The following EPHA6 variants were observed in gnomAD, a reference collection of about 807,000 sequenced individuals.
EPHA6 encodes ephrin type-A receptor 6.
EPHA6 carries 50 observed loss-of-function variants against 112.0 expected under a neutral mutation model. That is an observed-to-expected ratio of 0.45 (90% CI 0.36 to 0.56). The LOEUF (loss-of-function observed/expected upper bound fraction) is 0.56. Ranked by LOEUF, EPHA6 falls within the 20% of genes least tolerant of loss-of-function variation. The pLI is 0.00. For missense variants in EPHA6, 1,280 were observed against 1,417.4 expected, an observed-to-expected ratio of 0.90 and a Z score of 1.56; for synonymous variants, 529 against 490.7, an observed-to-expected ratio of 1.08 and a Z score of -1.03.
At chr3:97,724,301 G>A (rs1418680685) in intron 15 of EPHA6, among the ~76,000 whole-genome samples, 1 of 152,132 alleles carries the variant, frequency 6.6e-6, no homozygotes, top group African/African-American at 2.4e-5. Context: ...CCAAAGGTCA[G>A]TGGTATTATA....
At chr3:97,706,944 C>G (rs1428470343) in intron 14 of EPHA6, among the ~76,000 whole-genome samples, 1 of 152,116 alleles carries the variant, frequency 6.6e-6, no homozygotes, top group South Asian at 2.1e-4. Flanking sequence ...CCTTGTGACT[C>G]TAGCACCTGG....
Position 97,031,123 on chromosome 3 carries a change from G to A in EPHA6, c.1114+43130G>A, listed in dbSNP as rs569948008. ...ATATAGGCCAATGGAATAGAACAGA[G>A]CCCTGAGAAATAATGCTGCATATCT... is the stretch of plus-strand genomic sequence containing the variant. On this transcript the variant is annotated intron_variant, in intron 3 of 17. Coordinates refer to ENST00000389672, the MANE Select transcript of EPHA6 (RefSeq NM_001080448.3). 4.0e-4 allele frequency among the ~76,000 whole-genome samples: 61 copies of A among 152,108 alleles called. 1 individual carries two copies. The highest frequency in any genetic ancestry group is 1.7e-3 in the South Asian group (8 of 4,828).
At chr3:97,559,460 A>G in intron 11 of EPHA6, 1 of 318,340 alleles carries the variant, frequency 3.1e-6, no homozygotes, top group Non-Finnish European at 6.2e-6. Flanking sequence ...CCACTCTTCT[A>G]GAAACAAAGA....
intron 3 of EPHA6, among the ~76,000 whole-genome samples, chr3:97,211,433 G>A (rs147824749): frequency 5.4e-4 from 82 of 152,266 alleles, no homozygotes; most frequent in African/African-American, 1.9e-3. Flanking sequence ...CATAGACTGT[G>A]TGGCTTAAAC....
intron 3 of EPHA6, among the ~76,000 whole-genome samples, chr3:97,203,326 A>G (rs2077628577): frequency 6.6e-6 from 1 of 152,160 alleles, no homozygotes; most frequent in Admixed American, 6.6e-5. Context: ...ATAAAGGGAC[A>G]GATTTAACAT....
intron 1 of EPHA6, among the ~76,000 whole-genome samples, chr3:96,844,027 G>A (rs927828979): frequency 6.6e-6 from 1 of 151,924 alleles, no homozygotes; most frequent in East Asian, 1.9e-4. Context: ...CCCATTTTGA[G>A]TCCCTTGTCT....
chr3:96,994,724 T>G (rs1329220855), intron 3 of EPHA6, among the ~76,000 whole-genome samples: 11 of 78,758 alleles, frequency 1.4e-4, no homozygotes, highest in Admixed American at 2.8e-4. Flanking sequence ...TATATATATA[T>G]ATATATATAG....
chr3:97,472,191 T>C (rs1463973019), intron 7 of EPHA6, among the ~76,000 whole-genome samples: 1 of 151,682 alleles, frequency 6.6e-6, no homozygotes, highest in African/African-American at 2.4e-5. Context: ...CCACTATGGA[T>C]ATCATAGTGA....
intron 3 of EPHA6, among the ~76,000 whole-genome samples, chr3:97,172,656 G>T (rs1249643676): frequency 1.3e-5 from 2 of 151,866 alleles, no homozygotes; most frequent in African/African-American, 4.8e-5. Flanking sequence ...CCATGAATAT[G>T]TATCTGTAGG....
intron 2 of EPHA6, among the ~76,000 whole-genome samples, chr3:96,927,030 G>A (rs1244999732): frequency 1.3e-5 from 2 of 152,186 alleles, no homozygotes; most frequent in African/African-American, 4.8e-5. Flanking sequence ...ACTTTATACT[G>A]GACATCTGAG....
At chr3:97,647,864 C>G (rs1576196272) in intron 14 of EPHA6, among the ~76,000 whole-genome samples, 1 of 152,120 alleles carries the variant, frequency 6.6e-6, no homozygotes, top group East Asian at 1.9e-4. Flanking sequence ...AAATGCTAAG[C>G]CTCTTGGCTC....
intron 5 of EPHA6, among the ~76,000 whole-genome samples, chr3:97,385,338 A>T (rs2109035947): frequency 6.6e-6 from 1 of 152,290 alleles, no homozygotes; most frequent in East Asian, 1.9e-4. Flanking sequence ...CTTCTTCAGA[A>T]ATTCTAACAT....
chr3:97,638,146 G>A, intron 14 of EPHA6, 64 bp downstream of exon 14: 1 of 1,204,768 alleles, frequency 8.3e-7, no homozygotes, highest in Non-Finnish European at 1.2e-6. Context: ...TGTCATTAGA[G>A]TAATTCTGTT....
intron 2 of EPHA6, among the ~76,000 whole-genome samples, chr3:96,966,741 T>C (rs1387017489): frequency 6.6e-6 from 1 of 152,056 alleles, no homozygotes; most frequent in Admixed American, 6.6e-5. Flanking sequence ...AATGACATAT[T>C]TTTATGCTCA....
intron 2 of EPHA6, among the ~76,000 whole-genome samples, chr3:96,893,325 A>T (rs2038084446): frequency 6.6e-6 from 1 of 152,118 alleles, no homozygotes; most frequent in African/African-American, 2.4e-5. Context: ...ACAGTGTATC[A>T]TGTTATGTGG....
chr3:97,546,347 A>G (rs1352942180), intron 11 of EPHA6, among the ~76,000 whole-genome samples: 1 of 152,204 alleles, frequency 6.6e-6, no homozygotes, highest in Non-Finnish European at 1.5e-5. Flanking sequence ...TGGATATGAA[A>G]TTCTGGGTTG....
At chr3:97,686,347 T>C (rs1233911351) in intron 14 of EPHA6, among the ~76,000 whole-genome samples, 1 of 152,132 alleles carries the variant, frequency 6.6e-6, no homozygotes, top group Admixed American at 6.6e-5. Flanking sequence ...CTTCTTCCCA[T>C]CTTCTCTTTC....
intron 2 of EPHA6, among the ~76,000 whole-genome samples, chr3:96,978,806 A>G (rs1332487133): frequency 2.6e-5 from 4 of 152,156 alleles, no homozygotes; most frequent in Admixed American, 1.3e-4. Context: ...CTTGGTTTAT[A>G]TCGGTTCTGA....
intron 5 of EPHA6, among the ~76,000 whole-genome samples, chr3:97,326,833 A>G (rs2082451875): frequency 6.6e-6 from 1 of 152,132 alleles, no homozygotes; most frequent in South Asian, 2.1e-4. Context: ...GCCTCATTGC[A>G]GATCCTCTGA....
Sources: allele counts gnomAD v4.1 joint callset (sites outside exome capture counted in the v4.1 genomes callset), GRCh38; gene constraint gnomAD v4.1.1; transcripts MANE v1.5; gene names NCBI Gene and HGNC (gene_info 2026-07-23, HGNC 2026-07-21).